The following CARD8 variants were observed in gnomAD, a reference collection of about 807,000 sequenced individuals.
CARD8 encodes the protein caspase recruitment domain-containing protein 8.
A neutral mutation model predicts 53.2 loss-of-function variants in CARD8; 38 were observed. The observed-to-expected ratio is 0.71, with a 90% confidence interval of 0.55 to 0.94. The LOEUF is 0.94. CARD8 is among the 40% of genes least tolerant of loss of function. CARD8 has a pLI of 0.00. For missense variants in CARD8, 561 were observed against 655.5 expected (o/e 0.86, Z 1.57); for synonymous variants, 245 against 244.9 (o/e 1.00, Z 0.00).
At chr19:48,255,507 A>G (rs919554700) in intron 1 of CARD8, among the ~76,000 whole-genome samples, 4 of 152,252 alleles carry the variant, frequency 2.6e-5, no homozygotes, top group African/African-American at 9.6e-5. Context: ...AATTATTATT[A>G]CAGAAATTAA....
chr19:48,216,652 A>G (rs1225196718), intron 12 of CARD8, among the ~76,000 whole-genome samples: 1 of 151,892 alleles, frequency 6.6e-6, no homozygotes, highest in Non-Finnish European at 1.5e-5. Flanking sequence ...TCTAGACACC[A>G]TTGCAGGGAA....
chr19:48,240,295 G>A (rs7259262), intron 4 of CARD8, among the ~76,000 whole-genome samples: 8,725 of 152,226 alleles, frequency 0.057, 636 homozygotes, highest in African/African-American at 0.17. Flanking sequence ...TGATCTGGGC[G>A]CCATGCTATG....
At chr19:48,217,591 G>C (rs1341995969) in intron 12 of CARD8, among the ~76,000 whole-genome samples, 2 of 148,630 alleles carry the variant, frequency 1.3e-5, no homozygotes, top group Admixed American at 1.4e-4. Flanking sequence ...TACATAAAAG[G>C]TTAAAGCGAT....
chr19:48,220,917 A>C (rs12327884), intron 11 of CARD8, among the ~76,000 whole-genome samples: 2 of 132,630 alleles, frequency 1.5e-5, no homozygotes, highest in East Asian at 4.3e-4. Context: ...TCAAAAAAGA[A>C]GGAAAGAAAG....
chr19:48,248,274 G>A lies in CARD8; in HGVS notation c.-44+1249C>T, dbSNP rs1013406931. On this transcript the variant is annotated intron_variant, in intron 3 of 13. Coordinates refer to ENST00000651546, the MANE Select transcript of CARD8 (RefSeq NM_001184900.3). ...GTATTGCCTGTAGCCCCAGCCACCC[G>A]GAGGCCGAGGTGGGAGGATCACTTG... Among the ~76,000 whole-genome samples, 7 of 152,108 alleles carry A rather than the reference G, an allele frequency of 4.6e-5. No individual in the cohort carries two copies. The East Asian group carries it at 5.8e-4, about 13-fold the overall frequency.
In CARD8 at chr19:48,230,645, C is replaced by T; in HGVS notation, c.828G>A (p.Met276Ile). Residue 276 changes from methionine (M) to isoleucine (I), a missense_variant, in exon 10 of 14, where the codon ATG (methionine) becomes ATA (isoleucine). Transcript: ENST00000651546. ...FLVAHFKNEGMVLEHPARVEP... is the reference protein window; with the variant it reads ...FLVAHFKNEGIVLEHPARVEP... ...CCACCCGGGCTGGATGCTCCAGGAC[C>T]ATCCCTTCATTCTTAAAATGGGCAA... 1 of 1,614,090 alleles carries T rather than the reference C, an allele frequency of 6.2e-7. No individual in the cohort carries two copies. Among genetic ancestry groups the T allele is most frequent in the Non-Finnish European group, 8.5e-7 (1 of 1,180,000 alleles).
Position 48,208,797 on chromosome 19 carries a change from G to A in CARD8, c.*2913C>T, listed in dbSNP as rs1292514057. On this transcript the variant is annotated 3_prime_UTR_variant, in exon 14 of 14. Transcript: ENST00000651546. ...TCAAGACCATCCTGGCCAAAATGGT[G>A]AAACCCTGTCTCTACTAAAAATATT... The A allele has an allele frequency of 1.4e-5, 2 of 147,206 alleles. No individual in the cohort carries two copies. The highest frequency in any genetic ancestry group is 3.0e-5 in the Non-Finnish European group (2 of 66,804). The allele number at this position is 147,206 out of a possible 1,614,324, so 9.1% of individuals were successfully genotyped here.
intron 4 of CARD8, among the ~76,000 whole-genome samples, chr19:48,240,089 A>G (rs984443645): frequency 4.6e-5 from 7 of 152,238 alleles, no homozygotes; most frequent in African/African-American, 1.7e-4. Flanking sequence ...TATTGGAAGA[A>G]CACAAACATT....
chr19:48,243,312 C>G (rs577460935), intron 3 of CARD8, among the ~76,000 whole-genome samples: 1 of 152,154 alleles, frequency 6.6e-6, no homozygotes, highest in Admixed American at 6.5e-5. Flanking sequence ...TGCCCCTGGC[C>G]CAGAGAAATA....
At position 48,208,404 on chromosome 19, in the gene CARD8, C is replaced by T. The variant is rs146705380; in HGVS notation, c.*3306G>A. The T allele has an allele frequency of 4.6e-5, 7 of 152,208 alleles. No individual in the cohort carries two copies. Among genetic ancestry groups the T allele is most frequent in the East Asian group, 1.9e-4 (1 of 5,168 alleles). The allele number at this position is 152,208 out of a possible 1,614,324, so 9.4% of individuals were successfully genotyped here. On this transcript the variant is annotated 3_prime_UTR_variant, in exon 14 of 14. Transcript: ENST00000651546. The stretch of plus-strand genomic sequence containing the variant: ...CTCATAGGCACACACAGGATAGATC[C>T]GAATACCACTGCAAAGACTTTTAAA...
At chr19:48,244,688 A>G (rs2045816238) in intron 3 of CARD8, among the ~76,000 whole-genome samples, 1 of 152,196 alleles carries the variant, frequency 6.6e-6, no homozygotes, top group South Asian at 2.1e-4. Context: ...AACATTCTGC[A>G]TATAATCAGG....
chr19:48,211,551 G>A lies in CARD8; in HGVS notation c.*159C>T. 1.5e-6 allele frequency: 1 copy of A among 656,884 alleles called. No homozygotes were observed. Among genetic ancestry groups the A allele is most frequent in the South Asian group, 1.9e-5 (1 of 51,406 alleles). 40.7% of individuals were successfully genotyped at this position (656,884 alleles called of 1,614,324 possible). On this transcript the variant is annotated 3_prime_UTR_variant, in exon 14 of 14. Transcript: ENST00000651546. ...AAAATGCATGAGGATACAGTCAATA[G>A]GTACATGCCAGGTTACAAGTCTGTC...
chr19:48,240,768 CAA>C (rs34345721), intron 4 of CARD8, among the ~76,000 whole-genome samples, 192 bp downstream of exon 4: 124 of 135,988 alleles, frequency 9.1e-4, no homozygotes, highest in Admixed American at 1.0e-3. Context: ...GACTCTGTGT[CAA>C]AAAAAAAAAA....
chr19:48,241,349 G>A (rs536325936), intron 3 of CARD8, among the ~76,000 whole-genome samples: 124 of 152,208 alleles, frequency 8.1e-4, no homozygotes, highest in Non-Finnish European at 4.6e-4. Context: ...TCCACCTCCC[G>A]GGTTCAAGCG....
chr19:48,254,152 C>A (rs974061990), intron 1 of CARD8, among the ~76,000 whole-genome samples: 9 of 152,122 alleles, frequency 5.9e-5, no homozygotes, highest in African/African-American at 2.2e-4. Flanking sequence ...TGCCTGTAAT[C>A]CCACCTACTT....
At chr19:48,213,395 G>A (rs1481944776) in intron 13 of CARD8, among the ~76,000 whole-genome samples, 1 of 151,852 alleles carries the variant, frequency 6.6e-6, no homozygotes, top group Non-Finnish European at 1.5e-5. Context: ...TTTATTTTGA[G>A]ACAAAGTCTC....
At chr19:48,255,708 G>C (rs1230175365) in intron 1 of CARD8, 84 bp downstream of exon 1, 1 of 152,120 alleles carries the variant, frequency 6.6e-6, no homozygotes, top group Non-Finnish European at 1.5e-5. Flanking sequence ...TGACTAAGAG[G>C]AACAGAACAC....
intron 10 of CARD8, among the ~76,000 whole-genome samples, chr19:48,228,856 C>T (rs1024016721): frequency 5.3e-5 from 8 of 151,968 alleles, no homozygotes; most frequent in Non-Finnish European, 1.2e-4. Context: ...AAGAGGGAGG[C>T]GGCCGGGCGC....
At position 48,241,067 on chromosome 19, in the gene CARD8, A is replaced by G. The variant is rs2044935896; in HGVS notation, c.-43-4T>C. On this transcript the variant is annotated splice_region_variant and splice_polypyrimidine_tract_variant and intron_variant, in intron 3 of 13. Transcript: ENST00000651546. The stretch of plus-strand genomic sequence containing the variant: ...TCTTTACTGTATCTTTTTTACCCTG[A>G]AAAAATAAAAGGAGGTTGTATTTAG... 1 of 1,440,440 alleles carries G rather than the reference A, an allele frequency of 6.9e-7. No homozygotes were observed. Among genetic ancestry groups the G allele is most frequent in the African/African-American group, 1.4e-5 (1 of 70,790 alleles). 89.2% of individuals were successfully genotyped at this position (1,440,440 alleles called of 1,614,324 possible).
Sources: allele counts gnomAD v4.1 joint callset (sites outside exome capture counted in the v4.1 genomes callset), GRCh38; gene constraint gnomAD v4.1.1; transcripts MANE v1.5; gene names NCBI Gene and HGNC (gene_info 2026-07-23, HGNC 2026-07-21).